The following WDR27 variants were observed in gnomAD, a reference collection of about 807,000 sequenced individuals.
WDR27 encodes WD repeat-containing protein 27.
In WDR27, 100 loss-of-function variants were observed where a neutral mutation model predicts 114.4. The ratio of observed to expected loss-of-function variants is 0.87; its 90% confidence interval spans 0.74 to 1.03. WDR27 has a LOEUF of 1.03. WDR27 is among the 50% of genes least tolerant of loss of function. The pLI is 0.00. For missense variants in WDR27, 1,129 were observed against 1,092.9 expected (o/e 1.03, Z -0.47); for synonymous variants, 449 against 423.1 (o/e 1.06, Z -0.75).
chr6:169,595,304 T>G (rs2128160314), intron 23 of WDR27, among the ~76,000 whole-genome samples: 1 of 152,352 alleles, frequency 6.6e-6, no homozygotes, highest in South Asian at 2.1e-4. Context: ...GATAGTTCTT[T>G]GGGCACTTAA....
chr6:169,613,527 C>G, intron 22 of WDR27, 32 bp downstream of exon 22: 1 of 1,531,604 alleles, frequency 6.5e-7, no homozygotes, highest in Non-Finnish European at 9.0e-7. Context: ...GAGCTCCCCA[C>G]CCCTGCAGTG....
intron 25 of WDR27, among the ~76,000 whole-genome samples, chr6:169,566,697 G>T (rs1425638324): frequency 1.3e-5 from 2 of 152,130 alleles, no homozygotes; most frequent in East Asian, 3.9e-4. Flanking sequence ...CTCTCACCCT[G>T]GGTGTTGCGA....
At chr6:169,623,467 G>A (rs1280057297) in intron 21 of WDR27, among the ~76,000 whole-genome samples, 2 of 152,200 alleles carry the variant, frequency 1.3e-5, no homozygotes, top group Non-Finnish European at 2.9e-5. Flanking sequence ...CAGCAGACAA[G>A]GTGAACCATT....
intron 21 of WDR27, among the ~76,000 whole-genome samples, chr6:169,619,406 T>A (rs1435933566): frequency 6.6e-6 from 1 of 152,168 alleles, no homozygotes; most frequent in African/African-American, 2.4e-5. Flanking sequence ...TGTAAAATAT[T>A]GGAAGAAATT....
In WDR27 at chr6:169,621,635, C is replaced by G. The variant is rs370396948; in HGVS notation, c.2224-7979G>C. ...GCATTCACGCATATACATACCCACACATGCATATACATACCCACACATTCA... is the reference window on the plus strand; with the variant it reads ...GCATTCACGCATATACATACCCACAGATGCATATACATACCCACACATTCA... On this transcript the variant is annotated intron_variant, in intron 21 of 25. Transcript: ENST00000448612. Among the ~76,000 whole-genome samples the G allele has an allele frequency of 3.9e-3, 592 of 151,914 alleles. 3 individuals are homozygous for G. Among genetic ancestry groups the G allele is most frequent in the African/African-American group, 0.013 (544 of 41,340 alleles).
At chr6:169,610,903 T>G (rs1366841605) in intron 22 of WDR27, among the ~76,000 whole-genome samples, 1 of 152,070 alleles carries the variant, frequency 6.6e-6, no homozygotes, top group African/African-American at 2.4e-5. Context: ...AGGGGGCAGG[T>G]GGCAGGTGGG....
At chr6:169,508,917 G>A (rs189195598) in intron 25 of WDR27, among the ~76,000 whole-genome samples, 2 of 152,188 alleles carry the variant, frequency 1.3e-5, no homozygotes, top group African/African-American at 4.8e-5. Context: ...CATGTCCTGA[G>A]CTGCCCTCCA....
chr6:169,511,682 T>C (rs190659480), intron 25 of WDR27, among the ~76,000 whole-genome samples: 4 of 152,072 alleles, frequency 2.6e-5, no homozygotes, highest in Admixed American at 2.6e-4. Flanking sequence ...ATATTTACTA[T>C]TTGGCCTTTT....
rs1356286369 is a variant in WDR27 at position 169,664,589 on chromosome 6, C to T, written c.784-303G>A. The T allele has an allele frequency of 4.0e-6, 5 of 1,245,550 alleles. No homozygotes were observed. In the African/African-American group the frequency reaches 6.3e-5, roughly 16 times the overall value. 77.2% of individuals were successfully genotyped at this position (1,245,550 alleles called of 1,614,324 possible). ...GGAACCCCAGGCCCCAGGCTCTCTG[C>T]ACACACCCCACAGCTTCACAGCCAA... is the stretch of plus-strand genomic sequence containing the variant. On this transcript the variant is annotated intron_variant, in intron 7 of 25. Transcript: ENST00000448612.
At chr6:169,699,996 A>C (rs1787444821) in intron 1 of WDR27, among the ~76,000 whole-genome samples, 1 of 152,146 alleles carries the variant, frequency 6.6e-6, no homozygotes, top group Non-Finnish European at 1.5e-5. Context: ...AAGAAAAAGA[A>C]CAATGGACAA....
intron 25 of WDR27, among the ~76,000 whole-genome samples, chr6:169,493,315 A>G (rs1016282060): frequency 2.0e-5 from 3 of 152,108 alleles, no homozygotes; most frequent in Admixed American, 2.0e-4. Context: ...AATCTCTGGG[A>G]AGATAAACAA....
intron 25 of WDR27, among the ~76,000 whole-genome samples, chr6:169,461,217 A>G (rs948048157): frequency 3.3e-5 from 5 of 152,194 alleles, no homozygotes; most frequent in African/African-American, 1.2e-4. Context: ...GGATAGGACA[A>G]CCAGACAGAA....
chr6:169,495,986 T>A (rs1003325208), intron 25 of WDR27, among the ~76,000 whole-genome samples: 1 of 151,850 alleles, frequency 6.6e-6, no homozygotes, highest in East Asian at 1.9e-4. Context: ...CAGACCAATA[T>A]CCCTTATGAA....
chr6:169,603,866 G>A (rs564849357), intron 22 of WDR27, among the ~76,000 whole-genome samples: 9 of 152,360 alleles, frequency 5.9e-5, no homozygotes, highest in Admixed American at 2.0e-4. Context: ...CTCTAGAAGT[G>A]TAATTGGACT....
chr6:169,699,183 C>T (rs184384539), intron 1 of WDR27, among the ~76,000 whole-genome samples: 1 of 152,272 alleles, frequency 6.6e-6, no homozygotes, highest in Non-Finnish European at 1.5e-5. Flanking sequence ...AGAGAACTGG[C>T]TGGTGTGCAA....
intron 2 of WDR27, among the ~76,000 whole-genome samples, chr6:169,683,672 C>T (rs1782143778): frequency 6.6e-6 from 1 of 152,196 alleles, no homozygotes; most frequent in South Asian, 2.1e-4. Flanking sequence ...TACCTAGCCT[C>T]TGTAGCCCCA....
At chr6:169,445,683 C>CT in the WDR27 span, among the ~76,000 whole-genome samples, 2 of 152,246 alleles carry the variant, frequency 1.3e-5, no homozygotes, top group African/African-American at 4.8e-5. Flanking sequence ...TGAAATGCAC[C>CT]TGAGAGCTCC....
At chr6:169,436,396 AC>A in the WDR27 span, among the ~76,000 whole-genome samples, 3 of 152,130 alleles carry the variant, frequency 2.0e-5, no homozygotes, top group Non-Finnish European at 4.4e-5. Context: ...TGTTGATGTA[AC>A]TTATTGACAA....
intron 25 of WDR27, among the ~76,000 whole-genome samples, chr6:169,551,347 G>C (rs1175897767): frequency 6.6e-6 from 1 of 152,088 alleles, no homozygotes; most frequent in Non-Finnish European, 1.5e-5. Flanking sequence ...TCTGGGTTAC[G>C]TTTTTCACAG....
Sources: gnomAD v4.1 joint callset for allele counts (sites outside exome capture counted in the v4.1 genomes callset) on GRCh38, gnomAD v4.1.1 for gene constraint, MANE v1.5 for transcripts, NCBI Gene and HGNC (gene_info 2026-07-23, HGNC 2026-07-21) for gene names.